ITPR2: variants seen among roughly 807,000 people sequenced by gnomAD.
The protein encoded by ITPR2 is inositol 1,4,5-trisphosphate-gated calcium channel ITPR2.
ITPR2 carries 207 observed loss-of-function variants against 317.1 expected under a neutral mutation model. The ratio of observed to expected loss-of-function variants is 0.65; its 90% CI spans 0.58 to 0.73. The LOEUF is 0.73. ITPR2 is among the 30% of genes least tolerant of loss of function. The pLI, the probability that ITPR2 is intolerant of heterozygous loss-of-function variation, is 0.00. For synonymous variants in ITPR2, 1,156 were observed against 1,149.1 expected, an observed-to-expected ratio of 1.01 and a Z score of -0.12; for missense variants, 2,613 against 3,284.0, an observed-to-expected ratio of 0.80 and a Z score of 4.99.
intron 2 of ITPR2, among the ~76,000 whole-genome samples, chr12:26,775,978 C>G (rs1949961369): frequency 8.8e-6 from 1 of 113,584 alleles, no homozygotes; most frequent in Non-Finnish European, 2.1e-5. Flanking sequence ...TTCTGTCTCT[C>G]TAAAGAACCC....
chr12:26,416,962 T>C (rs959685531), intron 50 of ITPR2, among the ~76,000 whole-genome samples: 4 of 152,296 alleles, frequency 2.6e-5, no homozygotes, highest in African/African-American at 7.2e-5. Context: ...TGGGTTCCGT[T>C]CTAGGCCCAT....
At chr12:26,619,714 A>T (rs10842762) in intron 26 of ITPR2, among the ~76,000 whole-genome samples, 54,959 of 151,996 alleles carry the variant, frequency 0.36, 11,143 homozygotes, top group African/African-American at 0.55. Context: ...GAGGCAAGGA[A>T]TTAAAGCTGG....
intron 13 of ITPR2, among the ~76,000 whole-genome samples, chr12:26,679,428 A>T (rs1490157627): frequency 6.6e-6 from 1 of 152,194 alleles, no homozygotes; most frequent in Non-Finnish European, 1.5e-5. Flanking sequence ...TGAAAAGTGA[A>T]TCCCATGAAG....
chr12:26,526,592 G>T (rs923169774), intron 37 of ITPR2, among the ~76,000 whole-genome samples: 18 of 152,036 alleles, frequency 1.2e-4, no homozygotes, highest in African/African-American at 4.3e-4. Context: ...AAAAGAGAAT[G>T]ACATTATCTG....
At chr12:26,744,972 G>A (rs1949294410) in intron 2 of ITPR2, among the ~76,000 whole-genome samples, 1 of 152,222 alleles carries the variant, frequency 6.6e-6, no homozygotes. Context: ...GAAGTTTTCT[G>A]TTAAAAGTTA....
chr12:26,599,088 T>A, intron 30 of ITPR2, 57 bp downstream of exon 30: 1 of 1,449,602 alleles, frequency 6.9e-7, no homozygotes, highest in Non-Finnish European at 9.7e-7. Context: ...TAATAGAAAA[T>A]GCATATTTGA....
intron 55 of ITPR2, among the ~76,000 whole-genome samples, chr12:26,366,421 G>A (rs1345340579): frequency 6.6e-6 from 1 of 152,074 alleles, no homozygotes; most frequent in East Asian, 1.9e-4. Flanking sequence ...TATTTTTCAG[G>A]GACGTCTTTA....
chr12:26,387,332 T>G, intron 55 of ITPR2, 102 bp downstream of exon 55: 1 of 1,114,920 alleles, frequency 9.0e-7, no homozygotes, highest in Non-Finnish European at 1.3e-6. Context: ...TAACAAAAAA[T>G]GATTGCTACA....
intron 55 of ITPR2, among the ~76,000 whole-genome samples, chr12:26,366,805 A>G (rs1177684459): frequency 6.6e-6 from 1 of 152,188 alleles, no homozygotes; most frequent in Non-Finnish European, 1.5e-5. Flanking sequence ...CTTTCTGCCA[A>G]TTTTGGAAGA....
chr12:26,682,293 A>G (rs779941864), intron 12 of ITPR2, among the ~76,000 whole-genome samples: 14 of 152,172 alleles, frequency 9.2e-5, no homozygotes, highest in Non-Finnish European at 1.6e-4. Flanking sequence ...GACAGAGTAG[A>G]GAAAAGGCAC....
chr12:26,621,889 A>T (rs1391530766), intron 25 of ITPR2, among the ~76,000 whole-genome samples: 1 of 152,206 alleles, frequency 6.6e-6, no homozygotes, highest in Non-Finnish European at 1.5e-5. Context: ...TCATAAAATA[A>T]TTATTTCAGG....
chr12:26,420,986 T>C lies in ITPR2; in HGVS notation c.6946-1773A>G, dbSNP rs1416937996. 2.0e-5 allele frequency among the ~76,000 whole-genome samples: 3 copies of C among 152,064 alleles called. No individual in the cohort carries two copies. The East Asian group carries it at 5.8e-4, about 29-fold the overall frequency. On this transcript the variant is annotated intron_variant, in intron 49 of 56. Transcript: ENST00000381340. ...AGAAATAAGTTGTATAAAAATAAAA[T>C]AAATAATTGGAGTCGTGAGTTTTCA...
chr12:26,360,841 T>A (rs929443595), intron 55 of ITPR2, among the ~76,000 whole-genome samples: 50 of 152,332 alleles, frequency 3.3e-4, no homozygotes, highest in African/African-American at 1.1e-3. Flanking sequence ...TATAAGTATT[T>A]TAAAAATACA....
chr12:26,784,158 G>T (rs1592126423), intron 2 of ITPR2, among the ~76,000 whole-genome samples: 1 of 151,816 alleles, frequency 6.6e-6, no homozygotes, highest in African/African-American at 2.4e-5. Flanking sequence ...AATAACAGGG[G>T]AAACAGAGTG....
chr12:26,813,307 CTA>C (rs1382725759), intron 1 of ITPR2, among the ~76,000 whole-genome samples: 2 of 152,180 alleles, frequency 1.3e-5, no homozygotes, highest in East Asian at 3.8e-4. Flanking sequence ...GTGTTCATCT[CTA>C]TCACAATAAT....
Position 26,434,665 on chromosome 12 carries a change from A to G in ITPR2, c.6769+1556T>C, listed in dbSNP as rs555511211. Among the ~76,000 whole-genome samples, 6 of 152,306 alleles carry G rather than the reference A, an allele frequency of 3.9e-5. No individual in the cohort carries two copies. The South Asian group carries it at 8.3e-4, about 21-fold the overall frequency. ...GAGAAGGGTCCTAGATTGGAAACAA[A>G]AGGGTTAGCCTTCTACTCTAAGATA... is the stretch of plus-strand genomic sequence containing the variant. On this transcript the variant is annotated intron_variant, in intron 48 of 56. Transcript: ENST00000381340.
At chr12:26,451,365 T>TCTCACACACACACA (rs368381589) in intron 45 of ITPR2, among the ~76,000 whole-genome samples, 9 of 136,324 alleles carry the variant, frequency 6.6e-5, no homozygotes, top group Non-Finnish European at 9.2e-5. Context: ...TTCTCTCATA[T>TCTCACACACACACA]CACACACACA....
At chr12:26,518,667 A>T (rs561868840) in intron 37 of ITPR2, among the ~76,000 whole-genome samples, 19 of 152,334 alleles carry the variant, frequency 1.2e-4, no homozygotes, top group African/African-American at 4.6e-4. Context: ...AAACCAACTC[A>T]TTAAATATAG....
intron 26 of ITPR2, among the ~76,000 whole-genome samples, chr12:26,618,897 A>T (rs7309635): frequency 0.5 from 75,254 of 152,028 alleles, 18,914 homozygotes; most frequent in Middle Eastern, 0.58. Flanking sequence ...AAATAAATAT[A>T]CCTCATATAT....
Sources: gnomAD v4.1 joint callset for allele counts (sites outside exome capture counted in the v4.1 genomes callset) on GRCh38, gnomAD v4.1.1 for gene constraint, MANE v1.5 for transcripts, NCBI Gene and HGNC (gene_info 2026-07-23, HGNC 2026-07-21) for gene names.